The following FHIT variants were observed in gnomAD, a reference collection of about 807,000 sequenced individuals.
FHIT encodes the protein fragile histidine triad diadenosine triphosphatase.
Under a neutral mutation model 17.9 loss-of-function variants are expected in FHIT, and 19 were observed. The ratio of observed to expected loss-of-function variants is 1.06; its 90% CI spans 0.74 to 1.56. FHIT has a LOEUF of 1.56. Among genes scored for constraint, FHIT ranks in the 40% most tolerant of loss-of-function variants. The pLI, the probability that FHIT is intolerant of heterozygous loss-of-function variation, is 0.00. For synonymous variants in FHIT, 81 were observed against 69.7 expected, an observed-to-expected ratio of 1.16 and a Z score of -0.81; for missense variants, 248 against 189.2, an observed-to-expected ratio of 1.31 and a Z score of -1.82.
At chr3:60,390,518 A>C (rs1701185581) in intron 5 of FHIT, among the ~76,000 whole-genome samples, 1 of 151,852 alleles carries the variant, frequency 6.6e-6, no homozygotes, top group Admixed American at 6.6e-5. Flanking sequence ...TAAAAATGTA[A>C]AACGGCCTCA....
intron 5 of FHIT, among the ~76,000 whole-genome samples, chr3:60,180,826 A>G (rs887033945): frequency 6.6e-6 from 1 of 152,194 alleles, no homozygotes; most frequent in Admixed American, 6.5e-5. Context: ...TCTCTAAATT[A>G]CTGGATTGCA....
At chr3:60,814,877 T>G (rs7431478) in intron 4 of FHIT, among the ~76,000 whole-genome samples, 4 of 151,702 alleles carry the variant, frequency 2.6e-5, no homozygotes, top group East Asian at 1.9e-4. Context: ...TGTGGTTTTT[T>G]TTTGTTTGTT....
At chr3:59,778,095 G>A (rs764036990) in intron 8 of FHIT, among the ~76,000 whole-genome samples, 4 of 152,052 alleles carry the variant, frequency 2.6e-5, no homozygotes, top group Admixed American at 1.3e-4. Context: ...TCTCTTTGGC[G>A]GTCTGGGTCT....
At chr3:61,136,928 A>G (rs1011893512) in intron 2 of FHIT, among the ~76,000 whole-genome samples, 15 of 152,266 alleles carry the variant, frequency 9.9e-5, no homozygotes, top group African/African-American at 3.6e-4. Context: ...GAGGACAACT[A>G]GAAGATAAGG....
At chr3:60,187,734 G>A (rs188248897) in intron 5 of FHIT, among the ~76,000 whole-genome samples, 2 of 152,194 alleles carry the variant, frequency 1.3e-5, no homozygotes, top group African/African-American at 2.4e-5. Context: ...CTCTAGTCCA[G>A]GTTCTGACAG....
At chr3:60,699,023 C>T (rs1261868666) in intron 4 of FHIT, among the ~76,000 whole-genome samples, 2 of 152,106 alleles carry the variant, frequency 1.3e-5, no homozygotes, top group Non-Finnish European at 2.9e-5. Flanking sequence ...TTATGAACAT[C>T]TTTCTATGCC....
chr3:60,532,631 G>A (rs986515403), intron 5 of FHIT, among the ~76,000 whole-genome samples: 1 of 152,142 alleles, frequency 6.6e-6, no homozygotes, highest in African/African-American at 2.4e-5. Context: ...TCTTCTAAGC[G>A]TTGCACCACA....
chr3:60,922,161 T>G (rs1302823180), intron 3 of FHIT, among the ~76,000 whole-genome samples: 3 of 152,214 alleles, frequency 2.0e-5, no homozygotes. Context: ...GAAAATGACT[T>G]GGAAGGACTG....
At chr3:60,164,712 T>C (rs1701086249) in intron 5 of FHIT, among the ~76,000 whole-genome samples, 6 of 152,172 alleles carry the variant, frequency 3.9e-5, no homozygotes, top group Admixed American at 3.9e-4. Context: ...TTGATCTGCC[T>C]ACCACTGGGC....
At chr3:61,017,049 G>C (rs1360795023) in intron 3 of FHIT, among the ~76,000 whole-genome samples, 3 of 152,218 alleles carry the variant, frequency 2.0e-5, no homozygotes, top group Non-Finnish European at 4.4e-5. Context: ...CACTTTGGGA[G>C]GCCGAGGTGA....
chr3:60,571,602 A>C (rs2037387869), intron 4 of FHIT, among the ~76,000 whole-genome samples: 1 of 152,120 alleles, frequency 6.6e-6, no homozygotes, highest in African/African-American at 2.4e-5. Flanking sequence ...GAAGAACAAA[A>C]GTCGGGCATT....
chr3:60,498,152 A>G (rs1023497796), intron 5 of FHIT, among the ~76,000 whole-genome samples: 1 of 152,212 alleles, frequency 6.6e-6, no homozygotes, highest in African/African-American at 2.4e-5. Context: ...TTTCGCCAAC[A>G]CCAAGATGGA....
At chr3:60,749,398 C>T (rs1553716240) in intron 4 of FHIT, among the ~76,000 whole-genome samples, 2 of 152,132 alleles carry the variant, frequency 1.3e-5, no homozygotes, top group Non-Finnish European at 2.9e-5. Context: ...CCCGACATTA[C>T]CACCTAGGAG....
chr3:60,113,814 ACAT>A (rs1442329874), intron 5 of FHIT, among the ~76,000 whole-genome samples: 2 of 149,940 alleles, frequency 1.3e-5, no homozygotes, highest in Admixed American at 6.6e-5. Context: ...ATCCTGGTTA[ACAT>A]GGTGAAACCC....
intron 4 of FHIT, among the ~76,000 whole-genome samples, chr3:60,547,088 C>T (rs895049185): frequency 1.3e-5 from 2 of 152,282 alleles, no homozygotes; most frequent in African/African-American, 4.8e-5. Context: ...CTGAAACTGT[C>T]TCCAAGACTG....
chr3:60,869,135 C>G (rs1292107325), intron 3 of FHIT, among the ~76,000 whole-genome samples: 1 of 152,008 alleles, frequency 6.6e-6, no homozygotes, highest in African/African-American at 2.4e-5. Flanking sequence ...TTGAAATACC[C>G]CTAACACACT....
chr3:60,939,779 C>T (rs1327315463), intron 3 of FHIT, among the ~76,000 whole-genome samples: 1 of 151,934 alleles, frequency 6.6e-6, no homozygotes, highest in East Asian at 1.9e-4. Context: ...CTATAATACA[C>T]ATAGATATAC....
chr3:61,179,567 GT>G (rs1014124320), intron 2 of FHIT, among the ~76,000 whole-genome samples: 14 of 151,738 alleles, frequency 9.2e-5, no homozygotes, highest in African/African-American at 3.4e-4. Context: ...AATTAACCAG[GT>G]GTGGTGGTGC....
chr3:60,033,884 G>T (rs1701103547), intron 5 of FHIT, among the ~76,000 whole-genome samples: 1 of 152,162 alleles, frequency 6.6e-6, no homozygotes, highest in Non-Finnish European at 1.5e-5. Flanking sequence ...TATCATTTAT[G>T]TTCTCAAAAG....
Sources: gnomAD v4.1 joint callset for allele counts (sites outside exome capture counted in the v4.1 genomes callset) on GRCh38, gnomAD v4.1.1 for gene constraint, MANE v1.5 for transcripts, NCBI Gene and HGNC (gene_info 2026-07-23, HGNC 2026-07-21) for gene names.